Variants in DNM3 observed in about 807,000 individuals in gnomAD.
DNM3 encodes dynamin-3.
Under a neutral mutation model 101.6 loss-of-function variants are expected in DNM3, and 47 were observed. That is an observed-to-expected ratio of 0.46 (90% confidence interval 0.37 to 0.59). DNM3 has a LOEUF of 0.59. Ranked by LOEUF, DNM3 falls within the 20% of genes least tolerant of loss-of-function variation. The pLI, the probability that DNM3 is intolerant of heterozygous loss-of-function variation, is 0.00. For synonymous variants in DNM3, 385 were observed against 387.9 expected, an observed-to-expected ratio of 0.99 and a Z score of 0.09; for missense variants, 849 against 1,085.7, an observed-to-expected ratio of 0.78 and a Z score of 3.06.
intron 17 of DNM3, among the ~76,000 whole-genome samples, chr1:172,340,330 A>C (rs1289653466): frequency 1.3e-5 from 2 of 152,116 alleles, no homozygotes; most frequent in East Asian, 3.8e-4. Context: ...TACTCCATGG[A>C]AGCAGCACCG....
At chr1:172,334,374 G>A (rs2066325975) in intron 17 of DNM3, among the ~76,000 whole-genome samples, 1 of 152,140 alleles carries the variant, frequency 6.6e-6, no homozygotes, top group Non-Finnish European at 1.5e-5. Flanking sequence ...GTCAGAATGG[G>A]AAGTTACAAC....
At chr1:171,930,942 A>G (rs1474251008) in intron 2 of DNM3, among the ~76,000 whole-genome samples, 1 of 152,198 alleles carries the variant, frequency 6.6e-6, no homozygotes, top group Non-Finnish European at 1.5e-5. Context: ...TAATAGCATC[A>G]AAAAGAGTAT....
intron 20 of DNM3, among the ~76,000 whole-genome samples, chr1:172,392,354 G>T (rs554155775): frequency 6.6e-6 from 1 of 152,142 alleles, no homozygotes; most frequent in Non-Finnish European, 1.5e-5. Flanking sequence ...TATCTGGATT[G>T]TCACCTCCCC....
intron 14 of DNM3, among the ~76,000 whole-genome samples, chr1:172,235,531 A>G (rs1458594623): frequency 6.6e-6 from 1 of 152,192 alleles, no homozygotes; most frequent in East Asian, 1.9e-4. Flanking sequence ...ATGCTGCTGT[A>G]AAGACACAGG....
intron 17 of DNM3, among the ~76,000 whole-genome samples, chr1:172,371,854 A>ATTTATT (rs1344478491): frequency 6.9e-6 from 1 of 145,604 alleles, no homozygotes; most frequent in Non-Finnish European, 1.5e-5. Flanking sequence ...TTTTATTTTT[A>ATTTATT]TTTATTTTTA....
chr1:171,885,772 C>G lies in DNM3; in HGVS notation c.162-35976C>G, dbSNP rs114309052. ...CTGCTTTCAGGACCTGTGTGGGCTC[C>G]TTTGCTTTTCTCCTAAAGGCAGACT... On this transcript the variant is annotated intron_variant, in intron 1 of 20. Transcript: ENST00000627582. Among the ~76,000 whole-genome samples, 470 of 152,248 alleles carry G rather than the reference C, an allele frequency of 3.1e-3. 4 individuals carry two copies. The highest frequency in any genetic ancestry group is 0.011 in the African/African-American group (450 of 41,558).
chr1:171,966,269 C>T (rs1198699804), intron 2 of DNM3, among the ~76,000 whole-genome samples: 1 of 152,222 alleles, frequency 6.6e-6, no homozygotes, highest in East Asian at 1.9e-4. Flanking sequence ...CTTGAGCTTT[C>T]TCTGGCCTAA....
At position 172,384,871 on chromosome 1, in the gene DNM3, T is replaced by C. The variant is rs532447707; in HGVS notation, c.2059-2262T>C. Among the ~76,000 whole-genome samples, 5 of 152,362 alleles carry C rather than the reference T, an allele frequency of 3.3e-5. No homozygotes were observed. The South Asian group carries it at 8.3e-4, about 25-fold the overall frequency. On this transcript the variant is annotated intron_variant, in intron 18 of 20. Transcript: ENST00000627582. ...GAATTGCACCATGCATCCAACTGCA[T>C]ATACATACCCAACAGTGGGAGATTT...
intron 4 of DNM3, among the ~76,000 whole-genome samples, chr1:172,010,884 A>T (rs970325717): frequency 6.6e-6 from 1 of 151,250 alleles, no homozygotes. Context: ...TGTGAATTCC[A>T]TTGCTTCTAG....
chr1:172,126,390 A>G (rs984887006), intron 13 of DNM3, among the ~76,000 whole-genome samples: 3 of 152,200 alleles, frequency 2.0e-5, no homozygotes, highest in Admixed American at 2.0e-4. Flanking sequence ...TTGCATTGCA[A>G]GTGATATAAT....
intron 14 of DNM3, among the ~76,000 whole-genome samples, chr1:172,207,776 G>T (rs2060372878): frequency 6.6e-6 from 1 of 151,990 alleles, no homozygotes; most frequent in African/African-American, 2.4e-5. Context: ...TGTTGAGTTT[G>T]TTTTTGGAAA....
rs530574534 is a variant in DNM3, at chr1:171,991,134, C to T, written c.589+1986C>T. On this transcript the variant is annotated intron_variant, in intron 4 of 20. Coordinates refer to ENST00000627582, the MANE Select transcript of DNM3 (RefSeq NM_015569.5). ...GCTTCTCCTACTATATTCTCAAACA[C>T]GCTTCTGACTCCAGATGTGTGGTGA... Among the ~76,000 whole-genome samples, 4 of 152,260 alleles carry T rather than the reference C, an allele frequency of 2.6e-5. No individual in the cohort carries two copies. The South Asian group carries it at 6.2e-4, about 24-fold the overall frequency.
intron 14 of DNM3, among the ~76,000 whole-genome samples, chr1:172,222,471 A>G (rs1242531023): frequency 5.9e-5 from 9 of 152,172 alleles, no homozygotes; most frequent in African/African-American, 1.9e-4. Context: ...GTTTGCATCA[A>G]GGAAGGTGAT....
intron 17 of DNM3, among the ~76,000 whole-genome samples, chr1:172,328,168 T>G (rs1442862624): frequency 6.6e-6 from 1 of 152,162 alleles, no homozygotes; most frequent in Non-Finnish European, 1.5e-5. Context: ...GTTTATATAT[T>G]TTTATTTTCT....
intron 14 of DNM3, among the ~76,000 whole-genome samples, chr1:172,214,663 C>T (rs1416277560): frequency 2.0e-5 from 3 of 151,934 alleles, no homozygotes; most frequent in African/African-American, 4.8e-5. Context: ...TAATATCCTG[C>T]AGCTATAAAA....
chr1:172,219,377 C>CAAAAAAAAAAA (rs58783160), intron 14 of DNM3, among the ~76,000 whole-genome samples: 1 of 56,300 alleles, frequency 1.8e-5, no homozygotes, highest in Non-Finnish European at 3.1e-5. Context: ...TACCCTGTCT[C>CAAAAAAAAAAA]AAAAAAAAAA....
intron 14 of DNM3, among the ~76,000 whole-genome samples, chr1:172,210,753 A>C (rs574353646): frequency 5.9e-5 from 9 of 152,256 alleles, no homozygotes; most frequent in Admixed American, 5.2e-4. Context: ...TTTGAGAGAC[A>C]GAAGAAAGCA....
At chr1:172,259,973 G>A (rs1473399130) in intron 15 of DNM3, among the ~76,000 whole-genome samples, 3 of 152,038 alleles carry the variant, frequency 2.0e-5, no homozygotes, top group East Asian at 1.9e-4. Context: ...TTTTGCTTTT[G>A]GGTGTAGGTC....
rs758843364 is a variant in DNM3 at position 172,408,962 on chromosome 1, C to T, written c.*1121C>T. On this transcript the variant is annotated 3_prime_UTR_variant, in exon 21 of 21. Coordinates refer to ENST00000627582, the MANE Select transcript of DNM3 (RefSeq NM_015569.5). ...AGCAGAGCTCACACTTTTACAGTTG[C>T]AGTATTTCAAAGTCCCTATCCAGGT... is the stretch of plus-strand genomic sequence containing the variant. 90 of 985,298 alleles carry T rather than the reference C, an allele frequency of 9.1e-5. No individual in the cohort carries two copies. In the Middle Eastern group the frequency reaches 2.1e-3, roughly 23 times the overall value. The allele number at this position is 985,298 out of a possible 1,614,324, so 61.0% of individuals were successfully genotyped here.
Sources: allele counts gnomAD v4.1 joint callset (sites outside exome capture counted in the v4.1 genomes callset), GRCh38; gene constraint gnomAD v4.1.1; transcripts MANE v1.5; gene names NCBI Gene and HGNC (gene_info 2026-07-23, HGNC 2026-07-21).